The following ZSCAN25 variants were observed in gnomAD, a reference collection of about 807,000 sequenced individuals.
ZSCAN25 encodes the protein zinc finger and SCAN domain-containing protein 25.
In ZSCAN25, 27 loss-of-function variants were observed where a neutral mutation model predicts 38.7. The observed-to-expected ratio is 0.70, with a 90% CI of 0.51 to 0.96. The LOEUF (loss-of-function observed/expected upper bound fraction) is 0.96, where lower values mean the gene tolerates loss of function less well. Among genes scored for constraint, ZSCAN25 ranks in the 40% least tolerant of loss-of-function variants. The pLI, the probability that ZSCAN25 is intolerant of heterozygous loss-of-function variation, is 0.00. For synonymous variants in ZSCAN25, 273 were observed against 277.7 expected (o/e 0.98, Z 0.17); for missense variants, 637 against 705.9 (o/e 0.90, Z 1.11).
the ZSCAN25 span, chr7:99,652,470 G>A: frequency 3.0e-5 from 25 of 825,640 alleles, no homozygotes; most frequent in Admixed American, 5.1e-5. Flanking sequence ...ACAACCACAC[G>A]ATTGTCATGT....
the ZSCAN25 span, chr7:99,679,740 G>T: frequency 3.1e-6 from 4 of 1,298,688 alleles, no homozygotes; most frequent in South Asian, 1.2e-5. Flanking sequence ...CATCTCTTTT[G>T]ATCTTCAAAA....
chr7:99,723,871 C>T, the ZSCAN25 span, among the ~76,000 whole-genome samples: 1 of 152,192 alleles, frequency 6.6e-6, no homozygotes, highest in Non-Finnish European at 1.5e-5. Flanking sequence ...GTCATGGACT[C>T]GGGAACAGTC....
At chr7:99,731,614 G>A in the ZSCAN25 span, among the ~76,000 whole-genome samples, 8 of 152,242 alleles carry the variant, frequency 5.3e-5, no homozygotes, top group Admixed American at 4.6e-4. Context: ...AGTCACAGGG[G>A]GTCACTGAGA....
the ZSCAN25 span, among the ~76,000 whole-genome samples, chr7:99,651,608 A>G: frequency 1.3e-5 from 2 of 152,228 alleles, no homozygotes; most frequent in Admixed American, 6.5e-5. Flanking sequence ...CAACAAGACA[A>G]GGTTCCTCCC....
the ZSCAN25 span, chr7:99,704,955 C>T: frequency 6.5e-6 from 1 of 154,234 alleles, no homozygotes; most frequent in African/African-American, 2.4e-5. Context: ...ACAGTGATTA[C>T]AATGATCAAA....
chr7:99,713,379 A>T, the ZSCAN25 span: 3 of 1,583,502 alleles, frequency 1.9e-6, no homozygotes, highest in African/African-American at 4.0e-5. Context: ...AGAAATTCTC[A>T]TCTACCTGGA....
the ZSCAN25 span, among the ~76,000 whole-genome samples, chr7:99,694,739 G>A: frequency 5.0e-4 from 70 of 139,906 alleles, no homozygotes; most frequent in African/African-American, 2.1e-3. Flanking sequence ...TCAGGTATGC[G>A]GGAAAGATGA....
intron 4 of ZSCAN25, 98 bp from the exon 5 acceptor site, chr7:99,621,275 G>C: frequency 9.0e-7 from 1 of 1,106,978 alleles, no homozygotes; most frequent in Non-Finnish European, 1.2e-6. Flanking sequence ...AAGCTGGAAT[G>C]GTTCTTTTCT....
the ZSCAN25 span, among the ~76,000 whole-genome samples, chr7:99,641,754 AT>A: frequency 6.6e-6 from 1 of 152,092 alleles, no homozygotes; most frequent in Non-Finnish European, 1.5e-5. Context: ...CCATCAGCAA[AT>A]CCTGTTGGCC....
At position 99,621,421 on chromosome 7, in the gene ZSCAN25, G is replaced by A. The variant is rs1345584679; in HGVS notation, c.436G>A (p.Gly146Ser). ...GCAGGAGGAAACAGCACTTTGCAGA[G>A]GCGCTTGGGAGCCAGGCATCCAGCT... Reference protein sequence around the residue: ...GEQEETALCRGAWEPGIQLGP... With the variant: ...GEQEETALCRSAWEPGIQLGP... Residue 146 changes from glycine to serine, a missense_variant, in exon 5 of 8, where the codon GGC becomes AGC. Transcript: ENST00000394152. 6.5e-7 allele frequency: 1 copy of A among 1,529,716 alleles called. No individual in the cohort carries two copies. Among genetic ancestry groups the A allele is most frequent in the African/African-American group, 1.4e-5 (1 of 72,534 alleles). 94.8% of individuals were successfully genotyped at this position (1,529,716 alleles called of 1,614,324 possible).
the ZSCAN25 span, chr7:99,660,804 G>GAT: frequency 2.1e-6 from 2 of 951,330 alleles, no homozygotes; most frequent in Admixed American, 5.3e-5. Context: ...TTTTCATTCT[G>GAT]ATATGTATCT....
the ZSCAN25 span, among the ~76,000 whole-genome samples, chr7:99,696,248 T>TC: frequency 4.6e-5 from 7 of 151,986 alleles, no homozygotes; most frequent in South Asian, 1.2e-3. Flanking sequence ...TTTTTTTTTT[T>TC]TCTCTTCTGC....
chr7:99,664,262 A>G, the ZSCAN25 span, among the ~76,000 whole-genome samples: 8 of 152,254 alleles, frequency 5.3e-5, no homozygotes, highest in East Asian at 1.2e-3. Flanking sequence ...CGACTGAGCA[A>G]GGGCAGGTCT....
chr7:99,632,020 G>A lies in ZSCAN25; in HGVS notation c.*2000G>A. The A allele has an allele frequency of 1.0e-6, 1 of 985,510 alleles. No individual in the cohort carries two copies. Among genetic ancestry groups the A allele is most frequent in the Non-Finnish European group, 1.2e-6 (1 of 829,982 alleles). 61.0% of individuals were successfully genotyped at this position (985,510 alleles called of 1,614,324 possible). A position where few individuals can be genotyped will look rare whatever the true frequency, so the allele number is the denominator to read the frequency against. ...TTTCCAAAGGCAGGTGGGGACTGGG[G>A]AGGCCTCGGGGGGCTGCTTGTCATT... On this transcript the variant is annotated 3_prime_UTR_variant, in exon 8 of 8. Transcript: ENST00000394152.
At chr7:99,711,265 C>A in the ZSCAN25 span, among the ~76,000 whole-genome samples, 1 of 152,188 alleles carries the variant, frequency 6.6e-6, no homozygotes, top group African/African-American at 2.4e-5. Context: ...GGGTAGTCTT[C>A]TCTCCCAAGA....
chr7:99,703,442 A>G, the ZSCAN25 span, among the ~76,000 whole-genome samples: 6 of 152,320 alleles, frequency 3.9e-5, no homozygotes, highest in South Asian at 1.0e-3. Context: ...TAGACCTATC[A>G]GTGAAGAGAA....
chr7:99,618,070 G>A (rs1806620839), intron 1 of ZSCAN25: 1 of 152,222 alleles, frequency 6.6e-6, no homozygotes, highest in African/African-American at 2.4e-5. Flanking sequence ...GCTTTGGGGT[G>A]TGCCTCCTGC....
Position 99,629,941 on chromosome 7 carries a change from G to C in ZSCAN25, c.1556G>C (p.Cys519Ser). The C allele has an allele frequency of 6.2e-7, 1 of 1,613,608 alleles. No individual in the cohort carries two copies. Among genetic ancestry groups the C allele is most frequent in the Non-Finnish European group, 8.5e-7 (1 of 1,179,700 alleles). ...GAGAAGCCCTACCACTGTCCTGCCT[G>C]CGGGCGAAGCTTCAACCAGAGGTCC... is the stretch of plus-strand genomic sequence containing the variant. ...TGEKPYHCPACGRSFNQRSIL... is the reference protein window; with the variant it reads ...TGEKPYHCPASGRSFNQRSIL... Residue 519 changes from cysteine to serine, a missense_variant, in exon 8 of 8, where the codon TGC (cysteine) becomes TCC (serine). By Grantham distance (112) the Cys-to-Ser change is moderately radical. Coordinates refer to ENST00000394152, the MANE Select transcript of ZSCAN25 (RefSeq NM_145115.3). The surrounding 1 kb of genome is among the most constrained non-coding windows in gnomAD (Gnocchi z 5.6).
At chr7:99,625,289 A>G (rs1202309912) in intron 7 of ZSCAN25, among the ~76,000 whole-genome samples, 1 of 152,130 alleles carries the variant, frequency 6.6e-6, no homozygotes, top group African/African-American at 2.4e-5. Context: ...TAGTGCTGTA[A>G]GTATTACTAA....
Sources: allele counts gnomAD v4.1 joint callset (sites outside exome capture counted in the v4.1 genomes callset), GRCh38; gene constraint gnomAD v4.1.1; non-coding constraint Gnocchi (gnomAD v3.1); transcripts MANE v1.5; gene names NCBI Gene and HGNC (gene_info 2026-07-23, HGNC 2026-07-21).